UNC80: variants seen among roughly 807,000 people sequenced by gnomAD.
UNC80 encodes the protein protein unc-80 homolog.
Under a neutral mutation model 384.6 loss-of-function variants are expected in UNC80, and 164 were observed. The observed-to-expected ratio is 0.43, with a 90% CI of 0.38 to 0.49. The LOEUF is 0.49. UNC80 is among the 20% of genes least tolerant of loss of function. The pLI is 0.00. For missense variants in UNC80, 3,330 were observed against 4,143.0 expected (o/e 0.80, Z 5.39); for synonymous variants, 1,486 against 1,527.8 (o/e 0.97, Z 0.64).
Position 209,842,570 on chromosome 2 carries a change from C to A in UNC80, c.3454+124C>A, listed in dbSNP as rs188639652. 3.0e-5 allele frequency: 21 copies of A among 705,956 alleles called. No homozygotes were observed. The African/African-American group carries it at 3.2e-4, about 11-fold the overall frequency. 43.7% of individuals were successfully genotyped at this position (705,956 alleles called of 1,614,324 possible). ...TCATTCATTTCTTTCTCATACATGC[C>A]TTTTACCACTGTCTATAGCTTCTGT... On this transcript the variant is annotated intron_variant, in intron 21 of 64. Coordinates refer to ENST00000673920, the MANE Select transcript of UNC80 (RefSeq NM_001371986.1).
At chr2:209,801,029 G>A (rs1421641112) in intron 7 of UNC80, among the ~76,000 whole-genome samples, 2 of 152,166 alleles carry the variant, frequency 1.3e-5, no homozygotes, top group Non-Finnish European at 2.9e-5. Flanking sequence ...TGAATATTCT[G>A]TTGACTTGGG....
chr2:209,972,930 G>T, intron 55 of UNC80, 134 bp from the exon 56 acceptor site: 1 of 762,808 alleles, frequency 1.3e-6, no homozygotes, highest in Non-Finnish European at 2.1e-6. Context: ...AGCTGTACTT[G>T]ATGGGAAACA....
chr2:209,816,791 G>A (rs1328899973), intron 9 of UNC80, 118 bp from the exon 10 acceptor site: 1 of 869,098 alleles, frequency 1.2e-6, no homozygotes, highest in Non-Finnish European at 1.8e-6. Context: ...GTGACTTTCT[G>A]GGTCTTCTCT....
intron 17 of UNC80, among the ~76,000 whole-genome samples, chr2:209,834,482 A>G (rs1216295216): frequency 6.6e-6 from 1 of 152,168 alleles, no homozygotes; most frequent in Admixed American, 6.5e-5. Flanking sequence ...CATAATTTAC[A>G]CTTTTATTCA....
intron 33 of UNC80, 141 bp from the exon 34 acceptor site, chr2:209,921,359 A>G (rs2090026978): frequency 1.2e-6 from 1 of 818,506 alleles, no homozygotes; most frequent in Non-Finnish European, 1.8e-6. Flanking sequence ...AAGGACAAAT[A>G]TCCATGAAAC....
chr2:209,941,270 C>T lies in UNC80; in HGVS notation c.6696C>T (p.Ile2232=). Residue 2232 remains isoleucine, a synonymous_variant, in exon 44 of 65, where the codon ATC becomes ATT. Coordinates refer to ENST00000673920, the MANE Select transcript of UNC80 (RefSeq NM_001371986.1). ...GLDTLQKSLW[I]QLLEEMFLGM... Reference sequence around the variant, plus strand: ...ACACTCTTCAGAAAAGCTTGTGGATCCAGCTGCTGGAGGAAATGTTCCTGG... The same window carrying T: ...ACACTCTTCAGAAAAGCTTGTGGATTCAGCTGCTGGAGGAAATGTTCCTGG... The T allele has an allele frequency of 6.5e-7, 1 of 1,538,530 alleles. No homozygotes were observed. Among genetic ancestry groups the T allele is most frequent in the Non-Finnish European group, 8.8e-7 (1 of 1,136,248 alleles).
At chr2:209,959,191 G>T in intron 50 of UNC80, 37 bp downstream of exon 50, 1 of 1,547,192 alleles carries the variant, frequency 6.5e-7, no homozygotes, top group South Asian at 1.2e-5. Flanking sequence ...TACCAGTTCT[G>T]ACATCTTGAG....
chr2:209,848,809 G>T (rs768702948), intron 21 of UNC80, among the ~76,000 whole-genome samples: 2 of 152,034 alleles, frequency 1.3e-5, no homozygotes, highest in African/African-American at 4.8e-5. Flanking sequence ...TCCATTAGTG[G>T]ATATAGTGGT....
intron 1 of UNC80, among the ~76,000 whole-genome samples, chr2:209,772,817 C>G (rs941616304): frequency 6.6e-6 from 1 of 152,140 alleles, no homozygotes; most frequent in African/African-American, 2.4e-5. Flanking sequence ...AAGTAATGCA[C>G]CACTTCTGAC....
At position 209,976,001 on chromosome 2, in the gene UNC80, T is replaced by C. The variant is rs1175501763; in HGVS notation, c.8588-118T>C. 8.9e-7 allele frequency: 1 copy of C among 1,120,892 alleles called. No individual in the cohort carries two copies. Among genetic ancestry groups the C allele is most frequent in the Non-Finnish European group, 1.2e-6 (1 of 813,018 alleles). 69.4% of individuals were successfully genotyped at this position (1,120,892 alleles called of 1,614,324 possible). ...AATACATACGAAGTTTTTAGAAACA[T>C]GGAGAGAGCTTAGAAATTTAGAAAA... is the stretch of plus-strand genomic sequence containing the variant. On this transcript the variant is annotated intron_variant, in intron 56 of 64. Transcript: ENST00000673920. This position sits in a 1 kb window ranked among gnomAD's most constrained non-coding sequence, Gnocchi z 4.3.
At chr2:209,886,766 C>T (rs1327129281) in intron 25 of UNC80, among the ~76,000 whole-genome samples, 1 of 152,218 alleles carries the variant, frequency 6.6e-6, no homozygotes, top group East Asian at 1.9e-4. Context: ...ATCCTCAAGA[C>T]TTAACTCAAA....
At chr2:209,844,412 TTCTC>T (rs1054999716) in intron 21 of UNC80, among the ~76,000 whole-genome samples, 6 of 151,368 alleles carry the variant, frequency 4.0e-5, no homozygotes, top group East Asian at 1.9e-4. Flanking sequence ...CTTCCTTTCC[TTCTC>T]TCTTTCTTTC....
chr2:209,986,615 C>T (rs1461361513), intron 61 of UNC80, among the ~76,000 whole-genome samples: 1 of 152,204 alleles, frequency 6.6e-6, no homozygotes, highest in Non-Finnish European at 1.5e-5. Context: ...CTTAGATCAA[C>T]TGCCGTTGAT....
At chr2:209,803,897 A>G (rs1160960072) in intron 7 of UNC80, among the ~76,000 whole-genome samples, 1 of 152,036 alleles carries the variant, frequency 6.6e-6, no homozygotes, top group East Asian at 1.9e-4. Flanking sequence ...AAGTCCCACT[A>G]TTTTTAAAAA....
chr2:209,771,913 G>T lies in UNC80; in HGVS notation c.-160G>T. 1 of 631,028 alleles carries T rather than the reference G, an allele frequency of 1.6e-6. No homozygotes were observed. The highest frequency in any genetic ancestry group is 2.2e-5 in the Admixed American group (1 of 45,630). The allele number at this position is 631,028 out of a possible 1,614,324, so 39.1% of individuals were successfully genotyped here. ...AGCCATGTTCCACGCGCGGGGAGGG[G>T]TGGGGGGAGGGGAGAGGCACGGGGG... On this transcript the variant is annotated 5_prime_UTR_variant, in exon 1 of 65. Transcript: ENST00000673920.
intron 23 of UNC80, among the ~76,000 whole-genome samples, chr2:209,873,258 T>C (rs1357037118): frequency 6.6e-6 from 1 of 152,212 alleles, no homozygotes; most frequent in Admixed American, 6.5e-5. Flanking sequence ...GGAACCACTA[T>C]TCCATCTCAC....
At chr2:209,845,485 C>T (rs529180413) in intron 21 of UNC80, among the ~76,000 whole-genome samples, 4 of 152,302 alleles carry the variant, frequency 2.6e-5, no homozygotes, top group South Asian at 2.1e-4. Flanking sequence ...TTTATTACCA[C>T]GATTCCTACG....
chr2:209,816,431 A>G (rs1465252479), intron 9 of UNC80, among the ~76,000 whole-genome samples: 1 of 152,228 alleles, frequency 6.6e-6, no homozygotes, highest in Non-Finnish European at 1.5e-5. Flanking sequence ...GCTAACTGAA[A>G]CAATGGATCA....
chr2:209,961,784 C>T (rs1406186189), intron 51 of UNC80, among the ~76,000 whole-genome samples: 2 of 152,140 alleles, frequency 1.3e-5, no homozygotes, highest in East Asian at 1.9e-4. Context: ...GGGAAAATTT[C>T]CCCTTCACTC....
Sources: allele counts gnomAD v4.1 joint callset (sites outside exome capture counted in the v4.1 genomes callset), GRCh38; gene constraint gnomAD v4.1.1; non-coding constraint Gnocchi (gnomAD v3.1); transcripts MANE v1.5; gene names NCBI Gene and HGNC (gene_info 2026-07-23, HGNC 2026-07-21).